Variants in SPG11 observed in about 807,000 individuals in gnomAD.
The protein encoded by SPG11 is SPG11 vesicle trafficking associated, spatacsin, also known as spatacsin.
Under a neutral mutation model 274.0 loss-of-function variants are expected in SPG11, and 222 were observed. That is an observed-to-expected ratio of 0.81 (90% CI 0.73 to 0.91). The LOEUF (loss-of-function observed/expected upper bound fraction) is 0.91, where lower values mean the gene tolerates loss of function less well. Among genes scored for constraint, SPG11 ranks in the 40% least tolerant of loss-of-function variants. SPG11 has a pLI of 0.00. For synonymous variants in SPG11, 1,144 were observed against 1,039.7 expected (o/e 1.10, Z -1.93); for missense variants, 3,114 against 2,872.7 (o/e 1.08, Z -1.92).
At chr15:44,613,624 TAA>T in intron 16 of SPG11, 88 bp from the exon 17 acceptor site, 1 of 794,416 alleles carries the variant, frequency 1.3e-6, no homozygotes, top group Non-Finnish European at 2.1e-6. Context: ...GATTAGCATT[TAA>T]AAAAAGAATC....
At chr15:44,648,093 T>C (rs1007395766) in intron 7 of SPG11, among the ~76,000 whole-genome samples, 3 of 152,198 alleles carry the variant, frequency 2.0e-5, no homozygotes, top group Non-Finnish European at 4.4e-5. Flanking sequence ...AAAAAGAATA[T>C]AAACAACCCA....
intron 30 of SPG11, among the ~76,000 whole-genome samples, chr15:44,579,548 A>G (rs1717980226): frequency 6.6e-6 from 1 of 151,650 alleles, no homozygotes; most frequent in Non-Finnish European, 1.5e-5. Flanking sequence ...AAAAAAAAAA[A>G]AGAAAAAGCA....
At chr15:44,580,882 G>GTT (rs2082646203) in intron 30 of SPG11, among the ~76,000 whole-genome samples, 3 of 152,218 alleles carry the variant, frequency 2.0e-5, no homozygotes, top group Non-Finnish European at 4.4e-5. Flanking sequence ...TCCAGAAAGA[G>GTT]AGGAGGTAGG....
Position 44,659,165 on chromosome 15 carries a change from G to A in SPG11, c.581C>T (p.Pro194Leu), listed in dbSNP as rs573482671. 2.7e-5 allele frequency: 44 copies of A among 1,614,212 alleles called. No homozygotes were observed. The East Asian group carries it at 9.4e-4, about 34-fold the overall frequency. The change falls in exon 3 of 40, where the codon CCC (proline) becomes CTC (leucine). Residue 194 changes from proline to leucine, a missense_variant. Physicochemically the swap from Pro to Leu is moderately conservative, Grantham distance 98 (BLOSUM62 -3). Coordinates refer to ENST00000261866, the MANE Select transcript of SPG11 (RefSeq NM_025137.4). ...CATGTCCACTGCCTGTGCAGGCAAG[G>A]GAAGTGTGAAACAGTTGAGTACTCT... ...AIRVLNCFTL[P>L]LPAQAVDMII...
rs1595851363 is a variant in SPG11, at chr15:44,589,632, CT to C, written c.4744-219del. Among the ~76,000 whole-genome samples the C allele has an allele frequency of 2.0e-5, 3 of 152,304 alleles. No homozygotes were observed. In the East Asian group the frequency reaches 5.8e-4, roughly 29 times the overall value. ...TCCTCAGCAGCTTTGCACATTGTCTCTTTGTGGAAAGTTCTGGTATAGAGCT... is the reference window on the plus strand; with the variant it reads ...TCCTCAGCAGCTTTGCACATTGTCTCTTGTGGAAAGTTCTGGTATAGAGCT... On this transcript the variant is annotated intron_variant, in intron 27 of 39. Transcript: ENST00000261866.
In SPG11 at chr15:44,657,245, A is replaced by T; in HGVS notation, c.719T>A (p.Leu240His). Residue 240 changes from leucine to histidine, a missense_variant, in exon 4 of 40, where the codon CTT becomes CAT. Transcript: ENST00000261866. ...CTCATTACACATGTCTTCTTTGTGA[A>T]GTGCTAAATCCACATGAGCTACATA... ...GTYVAHVDLA[L>H]HKEDMCNEQQ... 6.2e-7 allele frequency: 1 copy of T among 1,614,238 alleles called. No homozygotes were observed. The highest frequency in any genetic ancestry group is 1.1e-5 in the South Asian group (1 of 91,088).
At chr15:44,659,637 G>A (rs533840251) in intron 2 of SPG11, among the ~76,000 whole-genome samples, 1 of 152,302 alleles carries the variant, frequency 6.6e-6, no homozygotes, top group African/African-American at 2.4e-5. Flanking sequence ...TTATAATCAA[G>A]GGTGAAGAGT....
In SPG11 at chr15:44,596,784, C is replaced by T. The variant is rs747546001; in HGVS notation, c.4161G>A (p.Glu1387=). 1.9e-6 allele frequency: 3 copies of T among 1,600,974 alleles called. No individual in the cohort carries two copies. The highest frequency in any genetic ancestry group is 2.6e-6 in the Non-Finnish European group (3 of 1,172,238). Residue 1387 remains glutamate, a splice_region_variant and synonymous_variant, in exon 24 of 40, where the codon GAG becomes GAA. Coordinates refer to ENST00000261866, the MANE Select transcript of SPG11 (RefSeq NM_025137.4). ...TGACTGCTAACAATTAGTGGCTTAC[C>T]TCTGCTGGGTGGTAGTTGTGGAGTT... is the stretch of plus-strand genomic sequence containing the variant. ...HSQLHNYHPA[E]VKSLIQYFSP... is the part of the protein sequence containing the mutation.
rs767191947 is a variant in SPG11 at position 44,659,316 on chromosome 15, A to C, written c.443-13T>G. The C allele has an allele frequency of 3.1e-6, 5 of 1,600,346 alleles. No individual in the cohort carries two copies. In the South Asian group the frequency reaches 5.5e-5, roughly 18 times the overall value. The stretch of plus-strand genomic sequence containing the variant: ...AATAAGGAAATACCTACAAAACAAA[A>C]GGATATTATTTCAAACTCATTGGTC... On this transcript the variant is annotated splice_polypyrimidine_tract_variant and intron_variant, in intron 2 of 39. Transcript: ENST00000261866.
rs1475011669 is a variant in SPG11, at chr15:44,592,488, T to C, written c.4636-50A>G. On this transcript the variant is annotated intron_variant, in intron 26 of 39. Coordinates refer to ENST00000261866, the MANE Select transcript of SPG11 (RefSeq NM_025137.4). ...TTACAAAATTTTGAACTTAATATTT[T>C]TTCAATGAATAATGCCAAATAAGAG... 8 of 1,053,754 alleles carry C rather than the reference T, an allele frequency of 7.6e-6. 1 individual carries two copies. In the South Asian group the frequency reaches 1.0e-4, roughly 13 times the overall value. 65.3% of individuals were successfully genotyped at this position (1,053,754 alleles called of 1,614,324 possible).
At chr15:44,637,502 A>G (rs938522940) in intron 7 of SPG11, among the ~76,000 whole-genome samples, 2 of 152,060 alleles carry the variant, frequency 1.3e-5, no homozygotes, top group Non-Finnish European at 2.9e-5. Flanking sequence ...TTTAGTAGAG[A>G]TGGGGTTTGG....
At chr15:44,578,093 C>T (rs1478257543) in intron 30 of SPG11, among the ~76,000 whole-genome samples, 6 of 145,560 alleles carry the variant, frequency 4.1e-5, no homozygotes, top group East Asian at 2.0e-4. Flanking sequence ...GGCGTGATCT[C>T]GGCTCACTAC....
rs35831490 is a variant in SPG11, at chr15:44,611,091, TAAAAAAA to T, written c.3146-113_3146-107del. 455 of 70,038 alleles carry T rather than the reference TAAAAAAA, an allele frequency of 6.5e-3. 4 individuals carry two copies. Among genetic ancestry groups the T allele is most frequent in the South Asian group, 0.015 (75 of 5,010 alleles). The allele number at this position is 70,038 out of a possible 1,614,324, so 4.3% of individuals were successfully genotyped here. A position where few individuals can be genotyped will look rare whatever the true frequency, so the allele number is the denominator to read the frequency against. On this transcript the variant is annotated intron_variant, in intron 17 of 39. Transcript: ENST00000261866. ...CATAAATTTTTAACTCTATCCCCAG[TAAAAAAA>T]AAAAAAAAAAAAAAAAAAGGACTTC...
chr15:44,643,326 A>G (rs537097471), intron 7 of SPG11, among the ~76,000 whole-genome samples: 1 of 152,346 alleles, frequency 6.6e-6, no homozygotes, highest in African/African-American at 2.4e-5. Flanking sequence ...CATAGAAAAA[A>G]TAACTATAAG....
In SPG11 at chr15:44,563,030, A is replaced by G. The variant is rs765990344; in HGVS notation, c.*91T>C. 10 of 1,355,210 alleles carry G rather than the reference A, an allele frequency of 7.4e-6. No individual in the cohort carries two copies. The highest frequency in any genetic ancestry group is 1.7e-5 in the Admixed American group (1 of 57,844). The allele number at this position is 1,355,210 out of a possible 1,614,324, so 83.9% of individuals were successfully genotyped here. A position where few individuals can be genotyped will look rare whatever the true frequency, so the allele number is the denominator to read the frequency against. ...TATGGTACAGTACCGGGATTGTTCA[A>G]CTTTAGCAAAGATCTCCAATGCATT... On this transcript the variant is annotated 3_prime_UTR_variant, in exon 40 of 40. Coordinates refer to ENST00000261866, the MANE Select transcript of SPG11 (RefSeq NM_025137.4).
At chr15:44,570,850 TTC>T (rs1339391497) in intron 33 of SPG11, among the ~76,000 whole-genome samples, 192 bp from the exon 34 acceptor site, 1 of 152,130 alleles carries the variant, frequency 6.6e-6, no homozygotes, top group Non-Finnish European at 1.5e-5. Flanking sequence ...ATCCAAATCA[TTC>T]TCTCAGTCAT....
chr15:44,660,584 G>A lies in SPG11; in HGVS notation c.290C>T (p.Thr97Ile), dbSNP rs760574097. The A allele has an allele frequency of 1.2e-6, 2 of 1,614,008 alleles. No individual in the cohort carries two copies. The highest frequency in any genetic ancestry group is 2.2e-5 in the East Asian group (1 of 44,886). ...FLWEDSRNSS[T>I]PTEKPKLLAL... ...GAGCAGTTTGGGCTTTTCAGTTGGTGTGCTGCTGTTACGAGAATCCTCCCA... is the reference window on the plus strand; with the variant it reads ...GAGCAGTTTGGGCTTTTCAGTTGGTATGCTGCTGTTACGAGAATCCTCCCA... Residue 97 changes from threonine to isoleucine, a missense_variant, in exon 2 of 40, where the codon ACA becomes ATA. Coordinates refer to ENST00000261866, the MANE Select transcript of SPG11 (RefSeq NM_025137.4).
intron 7 of SPG11, among the ~76,000 whole-genome samples, chr15:44,645,325 G>A (rs1300973506): frequency 1.3e-5 from 2 of 152,124 alleles, no homozygotes; most frequent in Non-Finnish European, 2.9e-5. Context: ...CACACCTACA[G>A]CCATCTGGTT....
At chr15:44,631,753 C>CCTG (rs2084068226) in intron 8 of SPG11, among the ~76,000 whole-genome samples, 1 of 150,024 alleles carries the variant, frequency 6.7e-6, no homozygotes, top group Non-Finnish European at 1.5e-5. Flanking sequence ...GATCCTCCCG[C>CCTG]CTGGGCCTCC....
Sources: allele counts gnomAD v4.1 joint callset (sites outside exome capture counted in the v4.1 genomes callset), GRCh38; gene constraint gnomAD v4.1.1; transcripts MANE v1.5; gene names NCBI Gene and HGNC (gene_info 2026-07-23, HGNC 2026-07-21).